Variants in METTL21A observed in about 807,000 individuals in gnomAD.
METTL21A encodes the protein methyltransferase 21A, HSPA lysine, also known as protein N-lysine methyltransferase METTL21A.
A neutral mutation model predicts 20.9 loss-of-function variants in METTL21A; 22 were observed. That is an observed-to-expected ratio of 1.05 (90% CI 0.75 to 1.50). The LOEUF (loss-of-function observed/expected upper bound fraction) is 1.50, where lower values mean the gene tolerates loss of function less well. METTL21A is among the 40% of genes most tolerant of loss of function. The pLI is 0.00. For synonymous variants in METTL21A, 93 were observed against 102.0 expected, an observed-to-expected ratio of 0.91 and a Z score of 0.53; for missense variants, 271 against 266.8, an observed-to-expected ratio of 1.02 and a Z score of -0.11.
chr2:207,581,689 C>G, downstream of METTL21A: 1 of 537,868 alleles, frequency 1.9e-6, no homozygotes, highest in South Asian at 2.8e-5. Flanking sequence ...TTTCTCTAAT[C>G]TTAGTATATT....
chr2:207,598,770 C>T (rs1348909334), intron 3 of METTL21A: 1 of 167,016 alleles, frequency 6.0e-6, no homozygotes, highest in Non-Finnish European at 1.3e-5. Context: ...TTGCTTGAAC[C>T]CAGGAGGCAG....
chr2:207,603,575 A>G (rs1191782516), intron 3 of METTL21A: 1 of 224,224 alleles, frequency 4.5e-6, no homozygotes, highest in African/African-American at 2.2e-5. Flanking sequence ...TCAGACAACA[A>G]CATGTCTTCA....
intron 3 of METTL21A, among the ~76,000 whole-genome samples, chr2:207,593,752 C>G (rs1370885760): frequency 6.8e-6 from 1 of 146,934 alleles, no homozygotes; most frequent in Non-Finnish European, 1.5e-5. Flanking sequence ...GACGGAAACA[C>G]CTATCACCCA....
intron 2 of METTL21A, among the ~76,000 whole-genome samples, chr2:207,622,150 T>C (rs1378096638): frequency 1.3e-5 from 2 of 149,876 alleles, no homozygotes; most frequent in Non-Finnish European, 3.0e-5. Flanking sequence ...CTGCTGGATC[T>C]GGAAAGCTTA....
At chr2:207,584,697 C>T (rs891331994) in intron 3 of METTL21A, among the ~76,000 whole-genome samples, 8 of 152,164 alleles carry the variant, frequency 5.3e-5, no homozygotes, top group African/African-American at 1.7e-4. Flanking sequence ...CTACTGTGCC[C>T]AGCCTTCATT....
intron 3 of METTL21A, among the ~76,000 whole-genome samples, chr2:207,587,230 A>G (rs1343457572): frequency 1.3e-5 from 2 of 152,006 alleles, no homozygotes; most frequent in African/African-American, 4.8e-5. Flanking sequence ...CTTCTTTACT[A>G]AAAATCCAAA....
chr2:207,586,388 A>G (rs1170285068), intron 3 of METTL21A, among the ~76,000 whole-genome samples: 1 of 152,156 alleles, frequency 6.6e-6, no homozygotes, highest in Non-Finnish European at 1.5e-5. Context: ...GAAACTAGAT[A>G]CCTATCACCA....
At chr2:207,581,314 G>T (rs2082928492), downstream of METTL21A, 2 of 197,334 alleles carry the variant, frequency 1.0e-5, no homozygotes, top group Non-Finnish European at 2.1e-5. Context: ...TATTTGATAT[G>T]AATTAAAATA....
At chr2:207,621,943 G>C in intron 2 of METTL21A, 26 bp from the exon 3 acceptor site, 3 of 1,594,838 alleles carry the variant, frequency 1.9e-6, no homozygotes, top group South Asian at 1.1e-5. Flanking sequence ...GTGTGATGAC[G>C]ATTAAGGTCA....
chr2:207,592,155 A>C (rs1229411587), intron 3 of METTL21A, among the ~76,000 whole-genome samples: 1 of 152,132 alleles, frequency 6.6e-6, no homozygotes, highest in Non-Finnish European at 1.5e-5. Context: ...GACAGACTTT[A>C]AAGATGTCAC....
intron 2 of METTL21A, among the ~76,000 whole-genome samples, chr2:207,622,215 C>G (rs937434516): frequency 1.4e-5 from 2 of 144,462 alleles, no homozygotes; most frequent in Non-Finnish European, 3.0e-5. Context: ...GTCACCCAGG[C>G]TGGAGTGCAG....
intron 3 of METTL21A, chr2:207,582,193 CAT>C (rs1304048432): frequency 2.0e-5 from 14 of 702,656 alleles, no homozygotes; most frequent in Non-Finnish European, 3.1e-5. Context: ...AATTTGTGGT[CAT>C]ATGTTAAAAC....
chr2:207,602,117 T>TTAA (rs1353734498), intron 3 of METTL21A: 1 of 203,646 alleles, frequency 4.9e-6, no homozygotes, highest in Non-Finnish European at 1.0e-5. Flanking sequence ...TGAATGTAGC[T>TTAA]TAAGCCTTTG....
chr2:207,602,308 A>G (rs1464081018), intron 3 of METTL21A: 3 of 195,526 alleles, frequency 1.5e-5, no homozygotes, highest in South Asian at 3.8e-4. Context: ...AGGCAGTTTT[A>G]GCACAGAAAG....
chr2:207,601,195 G>A (rs1054447599), intron 3 of METTL21A: 24 of 185,294 alleles, frequency 1.3e-4, no homozygotes, highest in African/African-American at 5.6e-4. Flanking sequence ...CAATAGAAAA[G>A]TTGTATATTT....
exon 4 of METTL21A, chr2:207,581,716 T>C: frequency 1.7e-6 from 1 of 601,850 alleles, no homozygotes; most frequent in East Asian, 2.8e-5. Context: ...CCAGGGTACA[T>C]TTATCAAAAA....
At chr2:207,592,312 C>A (rs1350959257) in intron 3 of METTL21A, among the ~76,000 whole-genome samples, 1 of 152,068 alleles carries the variant, frequency 6.6e-6, no homozygotes, top group African/African-American at 2.4e-5. Flanking sequence ...GAGGCTGAGG[C>A]AGGAAAATCA....
At chr2:207,581,638 G>T, downstream of METTL21A, 1 of 413,160 alleles carries the variant, frequency 2.4e-6, no homozygotes, top group Non-Finnish European at 4.3e-6. Flanking sequence ...ACTTACAAAG[G>T]AGTTTTAAAA....
chr2:207,581,204 A>G (rs538268843), downstream of METTL21A: 1 of 206,080 alleles, frequency 4.9e-6, no homozygotes, highest in South Asian at 1.9e-4. Context: ...CATTTTAACA[A>G]ATAATGTCAG....
Sources: gnomAD v4.1 joint callset for allele counts (sites outside exome capture counted in the v4.1 genomes callset) on GRCh38, gnomAD v4.1.1 for gene constraint, MANE v1.5 for transcripts, NCBI Gene and HGNC (gene_info 2026-07-23, HGNC 2026-07-21) for gene names.